Variants in ZNF789 observed in about 807,000 individuals in gnomAD.
ZNF789 encodes the protein zinc finger protein 789.
A neutral mutation model predicts 15.6 loss-of-function variants in ZNF789; 11 were observed. The ratio of observed to expected loss-of-function variants is 0.70; its 90% CI spans 0.44 to 1.16. The LOEUF is 1.16. Among genes scored for constraint, ZNF789 ranks in the 50% most tolerant of loss-of-function variants. The pLI, the probability that ZNF789 is intolerant of heterozygous loss-of-function variation, is 0.00. For synonymous variants in ZNF789, 159 were observed against 176.0 expected (o/e 0.90, Z 0.76); for missense variants, 461 against 512.6 (o/e 0.90, Z 0.97).
intron 4 of ZNF789, among the ~76,000 whole-genome samples, chr7:99,485,556 G>A (rs779575451): frequency 1.3e-5 from 2 of 152,192 alleles, no homozygotes; most frequent in Non-Finnish European, 2.9e-5. Flanking sequence ...TCTAGGCCGG[G>A]TGCCGTGGCT....
At chr7:99,473,280 G>A (rs1799120262) in intron 1 of ZNF789, among the ~76,000 whole-genome samples, 1 of 152,196 alleles carries the variant, frequency 6.6e-6, no homozygotes, top group Non-Finnish European at 1.5e-5. Context: ...TTTTGTTAGA[G>A]TGGGAGATGA....
In ZNF789 at chr7:99,479,672, G is replaced by C. The variant is rs371539662; in HGVS notation, c.36G>C (p.Ser12=). Residue 12 remains serine, a synonymous_variant, in exon 3 of 5, where the codon TCG becomes TCC. Coordinates refer to ENST00000331410, the MANE Select transcript of ZNF789 (RefSeq NM_213603.3). The stretch of plus-strand genomic sequence containing the variant: ...AGCTACTTTTCCAGGAGCTGCTCTC[G>C]TTTGAGGATGTGGCGATGTACTTCA... ...FPPARGKELL[S]FEDVAMYFTR... 3.1e-6 allele frequency: 5 copies of C among 1,599,172 alleles called. No individual in the cohort carries two copies. Among genetic ancestry groups the C allele is most frequent in the Non-Finnish European group, 4.3e-6 (5 of 1,174,142 alleles).
chr7:99,485,159 G>T (rs541260583), intron 4 of ZNF789: 1 of 1,533,628 alleles, frequency 6.5e-7, no homozygotes, highest in African/African-American at 1.4e-5. Context: ...TATTACTCCC[G>T]TATTTCCTGA....
At position 99,487,380 on chromosome 7, in the gene ZNF789, T is replaced by TC; in HGVS notation, c.1171dup (p.His391ProfsTer24). 1 of 1,614,246 alleles carries TC rather than the reference T, an allele frequency of 6.2e-7. No homozygotes were observed. On this transcript the variant is annotated frameshift_variant, in exon 5 of 5. Coordinates refer to ENST00000331410, the MANE Select transcript of ZNF789 (RefSeq NM_213603.3). LOFTEE classifies it low-confidence loss of function (END_TRUNC). ...GGAATCTTTTTCGACATCAGGTCAT[T>TC]CACACTGGAAGCCAACCCTACCAAT...
intron 4 of ZNF789, among the ~76,000 whole-genome samples, chr7:99,485,859 T>C (rs1171245551): frequency 6.6e-6 from 1 of 152,176 alleles, no homozygotes; most frequent in Non-Finnish European, 1.5e-5. Context: ...TGCTACCTCT[T>C]TGATATTTAT....
At chr7:99,475,552 G>GT (rs1562880230) in intron 1 of ZNF789, among the ~76,000 whole-genome samples, 1 of 152,166 alleles carries the variant, frequency 6.6e-6, no homozygotes, top group Non-Finnish European at 1.5e-5. Flanking sequence ...TTGGAAATAC[G>GT]TAAGTAGATT....
In ZNF789 at chr7:99,482,692, T is replaced by C. The variant is rs1418009440; in HGVS notation, c.152-1338T>C. 4.6e-5 allele frequency among the ~76,000 whole-genome samples: 7 copies of C among 151,496 alleles called. No individual in the cohort carries two copies. In the South Asian group the frequency reaches 1.3e-3, roughly 27 times the overall value. On this transcript the variant is annotated intron_variant, in intron 3 of 4. Transcript: ENST00000331410. ...CAACATGGAGAAACCCTGTCTCTACTAAAAATTCAAAATTAGTCAGGCGTG... is the reference window on the plus strand; with the variant it reads ...CAACATGGAGAAACCCTGTCTCTACCAAAAATTCAAAATTAGTCAGGCGTG...
intron 3 of ZNF789, among the ~76,000 whole-genome samples, chr7:99,483,480 C>T (rs1799752158): frequency 6.6e-6 from 1 of 151,622 alleles, no homozygotes; most frequent in South Asian, 2.1e-4. Context: ...AAATACAAAA[C>T]TTAGCAAAGC....
chr7:99,486,772 C>T lies in ZNF789; in HGVS notation c.562C>T (p.Leu188Phe). The change falls in exon 5 of 5, where the codon CTT becomes TTT. Residue 188 changes from leucine to phenylalanine, a missense_variant. Leu to Phe is a conservative substitution (Grantham distance 22). Transcript: ENST00000331410. ...CAAACCCTTCAATCAAAGATCTTTGCTTTTGGGGCATGAGCGAATTCTCAC... is the reference window on the plus strand; with the variant it reads ...CAAACCCTTCAATCAAAGATCTTTGTTTTTGGGGCATGAGCGAATTCTCAC... Reference protein sequence around the residue: ...DGKPFNQRSLLLGHERILTRA... With the variant: ...DGKPFNQRSLFLGHERILTRA... 6.2e-6 allele frequency: 10 copies of T among 1,614,156 alleles called. No homozygotes were observed. Among genetic ancestry groups the T allele is most frequent in the Non-Finnish European group, 8.5e-6 (10 of 1,180,030 alleles).
chr7:99,482,036 A>G (rs1799660561), intron 3 of ZNF789: 2 of 656,650 alleles, frequency 3.0e-6, no homozygotes, highest in Admixed American at 5.3e-5. Flanking sequence ...GGATTTTGGA[A>G]TACTCATAAA....
chr7:99,483,604 A>G, intron 3 of ZNF789: 1 of 678,438 alleles, frequency 1.5e-6, no homozygotes, highest in Non-Finnish European at 2.7e-6. Flanking sequence ...AGCCTGGGTG[A>G]CAGAGCAAGA....
intron 3 of ZNF789, chr7:99,481,838 G>T: frequency 3.8e-6 from 1 of 265,942 alleles, no homozygotes; most frequent in South Asian, 5.2e-5. Context: ...AGAAATTTTG[G>T]AAAATACATC....
chr7:99,486,386 A>G, intron 4 of ZNF789, 90 bp from the exon 5 acceptor site: 1 of 1,236,698 alleles, frequency 8.1e-7, no homozygotes, highest in Non-Finnish European at 1.1e-6. Flanking sequence ...GCTTCATTTG[A>G]TTGTCCTAGA....
rs1459100565 is a variant in ZNF789 at position 99,487,591 on chromosome 7, G to C, written c.*103G>C. On this transcript the variant is annotated 3_prime_UTR_variant, in exon 5 of 5. Transcript: ENST00000331410. ...ATGAAAAGCAATAAATGTAACAAAG[G>C]GTTTTTCTATGGGAGCCATCTTTGT... 1 of 1,397,836 alleles carries C rather than the reference G, an allele frequency of 7.2e-7. No individual in the cohort carries two copies. Among genetic ancestry groups the C allele is most frequent in the East Asian group, 2.4e-5 (1 of 41,960 alleles). The allele number at this position is 1,397,836 out of a possible 1,614,324, so 86.6% of individuals were successfully genotyped here. A position where few individuals can be genotyped will look rare whatever the true frequency, so the allele number is the denominator to read the frequency against.
At chr7:99,474,230 A>T (rs909325524) in intron 1 of ZNF789, among the ~76,000 whole-genome samples, 2 of 152,238 alleles carry the variant, frequency 1.3e-5, no homozygotes, top group Non-Finnish European at 2.9e-5. Flanking sequence ...TGGACTACAC[A>T]TAAAATACAC....
At chr7:99,477,610 A>T (rs1799403632) in intron 2 of ZNF789, among the ~76,000 whole-genome samples, 2 of 151,998 alleles carry the variant, frequency 1.3e-5, no homozygotes, top group African/African-American at 4.8e-5. Flanking sequence ...AAGTGCTGGG[A>T]ATCCAGGTGT....
chr7:99,483,962 C>T (rs1799776010), intron 3 of ZNF789, 68 bp from the exon 4 acceptor site: 1 of 1,241,088 alleles, frequency 8.1e-7, no homozygotes, highest in Non-Finnish European at 1.2e-6. Flanking sequence ...CTCTGCTTGC[C>T]ACTGAGCCCC....
chr7:99,476,569 G>A (rs1215183890), intron 2 of ZNF789, 89 bp downstream of exon 2: 10 of 1,544,298 alleles, frequency 6.5e-6, no homozygotes, highest in Non-Finnish European at 7.9e-6. Context: ...ATCAATGTGG[G>A]GAGTTTTCCT....
intron 2 of ZNF789, among the ~76,000 whole-genome samples, chr7:99,477,342 G>A (rs1799389732): frequency 6.6e-6 from 1 of 150,384 alleles, no homozygotes; most frequent in Non-Finnish European, 1.5e-5. Flanking sequence ...TGCCCAGCCT[G>A]TGTTTTGTCT....
Sources: allele counts gnomAD v4.1 joint callset (sites outside exome capture counted in the v4.1 genomes callset), GRCh38; gene constraint gnomAD v4.1.1; transcripts MANE v1.5; gene names NCBI Gene and HGNC (gene_info 2026-07-23, HGNC 2026-07-21).